Variants in RAP1GAP observed in about 807,000 individuals in gnomAD.
RAP1GAP encodes the protein rap1 GTPase-activating protein 1.
Under a neutral mutation model 87.2 loss-of-function variants are expected in RAP1GAP, and 35 were observed. The observed-to-expected ratio is 0.40, with a 90% CI of 0.31 to 0.53. RAP1GAP has a LOEUF of 0.53. Among genes scored for constraint, RAP1GAP ranks in the 20% least tolerant of loss-of-function variants. The probability of loss-of-function intolerance (pLI) is 0.48; values close to 1 mark genes in which losing one functional copy is unlikely to be tolerated. For missense variants in RAP1GAP, 734 were observed against 898.9 expected, an observed-to-expected ratio of 0.82 and a Z score of 2.35; for synonymous variants, 375 against 363.9, an observed-to-expected ratio of 1.03 and a Z score of -0.35.
intron 1 of RAP1GAP, among the ~76,000 whole-genome samples, chr1:21,666,784 G>A (rs1475339929): frequency 5.3e-5 from 8 of 151,938 alleles, no homozygotes; most frequent in Non-Finnish European, 1.0e-4. Flanking sequence ...TTTTAAGGGC[G>A]TAGGGCATCC....
chr1:21,636,943 AGGAAGGG>A (rs2094818530), intron 2 of RAP1GAP, among the ~76,000 whole-genome samples: 1 of 70,084 alleles, frequency 1.4e-5, no homozygotes, highest in Non-Finnish European at 2.7e-5. Flanking sequence ...GGAGGGAGGG[AGGAAGGG>A]AGGGAGGGAG....
At chr1:21,650,445 C>T (rs3767118) in intron 1 of RAP1GAP, among the ~76,000 whole-genome samples, 16,086 of 152,148 alleles carry the variant, frequency 0.11, 1,119 homozygotes, top group East Asian at 0.22. Flanking sequence ...GCACTCCCGC[C>T]CCGCCCAGAT....
chr1:21,651,772 G>A, intron 1 of RAP1GAP: 1 of 1,421,282 alleles, frequency 7.0e-7, no homozygotes, highest in Non-Finnish European at 9.1e-7. Flanking sequence ...GCCGCGCCAC[G>A]CCCTACCCGC....
chr1:21,651,807 G>C, intron 1 of RAP1GAP: 2 of 1,316,832 alleles, frequency 1.5e-6, no homozygotes, highest in Non-Finnish European at 1.9e-6. Context: ...GTGAAGCTGC[G>C]CTTCCGGCCG....
rs991491921 is a variant in RAP1GAP at position 21,597,984 on chromosome 1, A to G, written c.1960T>C (p.Ser654Pro). 1.0e-5 allele frequency: 16 copies of G among 1,573,948 alleles called. No homozygotes were observed. The highest frequency in any genetic ancestry group is 1.4e-5 in the African/African-American group (1 of 73,944). ...CPEIKIQLEASEQHMPQLGC is the reference protein window; with the variant it reads ...CPEIKIQLEAPEQHMPQLGC ...ACCAGCTGGGGCATGTGCTGCTCAG[A>G]TGCTTCCAGCTGGATCTTGATCTCG... The change falls in exon 23 of 25, where the codon TCT becomes CCT. Residue 654 changes from serine (S) to proline (P), a missense_variant. Ser to Pro is a moderately conservative substitution (Grantham distance 74, BLOSUM62 -1). Transcript: ENST00000374765.
intron 1 of RAP1GAP, among the ~76,000 whole-genome samples, chr1:21,653,596 C>CTTCCTTCT (rs2096734929): frequency 1.4e-5 from 2 of 147,270 alleles, no homozygotes; most frequent in Non-Finnish European, 3.0e-5. Flanking sequence ...TCCTTCCTCC[C>CTTCCTTCT]TCCCTCCCTC....
intron 1 of RAP1GAP, among the ~76,000 whole-genome samples, chr1:21,666,697 C>T (rs2097362845): frequency 6.6e-6 from 1 of 152,150 alleles, no homozygotes; most frequent in South Asian, 2.1e-4. Flanking sequence ...ACGCAGGAAG[C>T]TGATGTAATT....
At position 21,603,665 on chromosome 1, in the gene RAP1GAP, C is replaced by G. The variant is rs1303817150; in HGVS notation, c.1429-752G>C. The stretch of plus-strand genomic sequence containing the variant: ...TGGCTCTGGCACAGGTACCAGGCCC[C>G]AAAGCAGGTGCTGAGTGCCATCGGA... On this transcript the variant is annotated intron_variant, in intron 18 of 24. Coordinates refer to ENST00000374765, the MANE Select transcript of RAP1GAP (RefSeq NM_002885.4). This position sits in a 1 kb window ranked among gnomAD's most constrained non-coding sequence, Gnocchi z 6.0. 4 of 794,256 alleles carry G rather than the reference C, an allele frequency of 5.0e-6. No individual in the cohort carries two copies. Among genetic ancestry groups the G allele is most frequent in the South Asian group, 1.4e-5 (1 of 73,992 alleles). 49.2% of individuals were successfully genotyped at this position (794,256 alleles called of 1,614,324 possible).
Position 21,596,680 on chromosome 1 carries a change from G to A in RAP1GAP, c.*619C>T, listed in dbSNP as rs1255761088. On this transcript the variant is annotated 3_prime_UTR_variant, in exon 25 of 25. Transcript: ENST00000374765. ...CTCAAGAAGCAGGGTAGGGTGATAG[G>A]AGGTCCCTGGGAAGAAAATCCTACC... is the stretch of plus-strand genomic sequence containing the variant. The A allele has an allele frequency of 6.6e-6, 1 of 152,296 alleles. No homozygotes were observed. The highest frequency in any genetic ancestry group is 1.9e-4 in the East Asian group (1 of 5,200). The allele number at this position is 152,296 out of a possible 1,614,324, so 9.4% of individuals were successfully genotyped here.
chr1:21,598,232 C>A, intron 22 of RAP1GAP, 168 bp from the exon 23 acceptor site: 1 of 766,584 alleles, frequency 1.3e-6, no homozygotes, highest in Non-Finnish European at 2.1e-6. Flanking sequence ...ACCAGCCCTC[C>A]AATCCACCCA....
chr1:21,649,767 C>G lies in RAP1GAP; in HGVS notation c.-119G>C, dbSNP rs1312234369. ...GAGAGTCCCCAGTACTCACCACACA[C>G]TCCGGCGAGAAGTGAAGGACTTGTC... On this transcript the variant is annotated 5_prime_UTR_variant, in exon 2 of 25. Transcript: ENST00000374765. 2 of 1,552,572 alleles carry G rather than the reference C, an allele frequency of 1.3e-6. No individual in the cohort carries two copies. The highest frequency in any genetic ancestry group is 2.0e-5 in the Admixed American group (1 of 51,042).
chr1:21,653,583 CCTT>C, intron 1 of RAP1GAP, among the ~76,000 whole-genome samples: 1 of 128,072 alleles, frequency 7.8e-6, no homozygotes, highest in African/African-American at 2.8e-5. Context: ...TTCCTTCCTT[CCTT>C]CCTTCCTCCC....
At position 21,613,767 on chromosome 1, in the gene RAP1GAP, A is replaced by G; in HGVS notation, c.396-61T>C. 1.3e-6 allele frequency: 2 copies of G among 1,493,454 alleles called. No homozygotes were observed. Among genetic ancestry groups the G allele is most frequent in the Middle Eastern group, 1.7e-4 (1 of 5,834 alleles). The allele number at this position is 1,493,454 out of a possible 1,614,324, so 92.5% of individuals were successfully genotyped here. On this transcript the variant is annotated intron_variant, in intron 8 of 24. Transcript: ENST00000374765. The surrounding 1 kb of genome is among the most constrained non-coding windows in gnomAD (Gnocchi z 4.7). Reference sequence around the variant, plus strand: ...AGCAGGACAGGAAAATGGGAACCCCACCCCCCACAAAGTAAGGCCAGAAGG... The same window carrying G: ...AGCAGGACAGGAAAATGGGAACCCCGCCCCCCACAAAGTAAGGCCAGAAGG...
chr1:21,606,851 C>T (rs1033278584), intron 17 of RAP1GAP, among the ~76,000 whole-genome samples: 3 of 152,194 alleles, frequency 2.0e-5, no homozygotes, highest in Admixed American at 2.0e-4. Flanking sequence ...CTCTGGACTC[C>T]GCTGCTTCTG....
chr1:21,600,329 C>T (rs560753166), intron 20 of RAP1GAP, among the ~76,000 whole-genome samples: 2 of 152,340 alleles, frequency 1.3e-5, no homozygotes, highest in East Asian at 3.9e-4. Flanking sequence ...CTGCGTCTCC[C>T]TGGTCCCTGC....
chr1:21,598,163 C>T (rs1646333337), intron 22 of RAP1GAP, 99 bp from the exon 23 acceptor site: 1 of 827,060 alleles, frequency 1.2e-6, no homozygotes, highest in South Asian at 1.8e-5. Context: ...CGCTCCAACC[C>T]CACCCTTAAC....
chr1:21,647,862 T>C (rs1257031918), intron 2 of RAP1GAP, among the ~76,000 whole-genome samples: 1 of 151,780 alleles, frequency 6.6e-6, no homozygotes, highest in Non-Finnish European at 1.5e-5. Flanking sequence ...CGAGGGCCTG[T>C]GGAAATGGAA....
intron 2 of RAP1GAP, among the ~76,000 whole-genome samples, chr1:21,630,056 T>A (rs180827207): frequency 1.8e-3 from 267 of 152,288 alleles, no homozygotes; most frequent in Non-Finnish European, 2.5e-3. Context: ...CAGGCTCTGC[T>A]CTACTTTATT....
chr1:21,607,124 G>A (rs768919820), intron 17 of RAP1GAP, among the ~76,000 whole-genome samples: 5 of 152,180 alleles, frequency 3.3e-5, no homozygotes, highest in Admixed American at 6.5e-5. Context: ...CCAGCCGGCC[G>A]GGAAGCTGGA....
Sources: gnomAD v4.1 joint callset for allele counts (sites outside exome capture counted in the v4.1 genomes callset) on GRCh38, gnomAD v4.1.1 for gene constraint, Gnocchi (gnomAD v3.1) non-coding constraint, MANE v1.5 for transcripts, NCBI Gene and HGNC (gene_info 2026-07-23, HGNC 2026-07-21) for gene names.